The following PDCL2 variants were observed in gnomAD, a reference collection of about 807,000 sequenced individuals.
PDCL2 encodes the protein phosducin-like protein 2.
PDCL2 carries 23 observed loss-of-function variants against 30.3 expected under a neutral mutation model. The ratio of observed to expected loss-of-function variants is 0.76; its 90% CI spans 0.55 to 1.08. The LOEUF (loss-of-function observed/expected upper bound fraction) is 1.08, where lower values mean the gene tolerates loss of function less well. Among genes scored for constraint, PDCL2 ranks in the 50% least tolerant of loss-of-function variants. The pLI, the probability that PDCL2 is intolerant of heterozygous loss-of-function variation, is 0.00. For missense variants in PDCL2, 243 were observed against 282.3 expected (o/e 0.86, Z 1.00); for synonymous variants, 68 against 86.2 (o/e 0.79, Z 1.17).
chr4:55,584,974 A>T (rs1732822822), intron 1 of PDCL2, among the ~76,000 whole-genome samples: 1 of 152,194 alleles, frequency 6.6e-6, no homozygotes, highest in African/African-American at 2.4e-5. Context: ...TAACAAGATG[A>T]TCATATGATT....
intron 1 of PDCL2, among the ~76,000 whole-genome samples, 168 bp downstream of exon 1, chr4:55,591,936 A>T (rs34299771): frequency 0.19 from 29,097 of 152,090 alleles, 3,086 homozygotes; most frequent in South Asian, 0.25. Flanking sequence ...CTCCTAGAGG[A>T]TTTTTCTCAA....
intron 3 of PDCL2, among the ~76,000 whole-genome samples, chr4:55,577,936 A>C (rs1288013713): frequency 6.6e-6 from 1 of 152,068 alleles, no homozygotes; most frequent in Non-Finnish European, 1.5e-5. Flanking sequence ...TGAATCCTAT[A>C]ATGTGGTAAC....
chr4:55,566,278 G>T (rs1732266407), intron 4 of PDCL2, among the ~76,000 whole-genome samples: 2 of 150,670 alleles, frequency 1.3e-5, no homozygotes, highest in Admixed American at 6.6e-5. Context: ...CACCGAGCCT[G>T]GCCAGTAAAT....
At chr4:55,566,395 T>C (rs956864227) in intron 4 of PDCL2, among the ~76,000 whole-genome samples, 4 of 151,928 alleles carry the variant, frequency 2.6e-5, no homozygotes, top group African/African-American at 9.7e-5. Flanking sequence ...AATATATGTT[T>C]TATACCAACA....
At chr4:55,570,364 T>A (rs1379715580) in intron 3 of PDCL2, among the ~76,000 whole-genome samples, 1 of 152,194 alleles carries the variant, frequency 6.6e-6, no homozygotes, top group Non-Finnish European at 1.5e-5. Flanking sequence ...TTCGAAGACT[T>A]TGTGGATATT....
chr4:55,557,226 A>G (rs1261722373), intron 5 of PDCL2, among the ~76,000 whole-genome samples: 2 of 152,250 alleles, frequency 1.3e-5, no homozygotes. Context: ...GAAAGGGAGA[A>G]ATTATGGTTA....
At chr4:55,562,663 C>A in intron 4 of PDCL2, 51 bp from the exon 5 acceptor site, 1 of 1,249,550 alleles carries the variant, frequency 8.0e-7, no homozygotes, top group South Asian at 1.7e-5. Context: ...CTACTCATCT[C>A]AGTCTAATGA....
At chr4:55,579,276 G>A (rs911776143) in intron 3 of PDCL2, among the ~76,000 whole-genome samples, 7 of 151,788 alleles carry the variant, frequency 4.6e-5, no homozygotes, top group Non-Finnish European at 1.0e-4. Context: ...CAAGCAGTTC[G>A]CTAAGGAGCA....
At chr4:55,557,447 C>T (rs1732000402) in intron 5 of PDCL2, among the ~76,000 whole-genome samples, 1 of 152,174 alleles carries the variant, frequency 6.6e-6, no homozygotes, top group Non-Finnish European at 1.5e-5. Context: ...CAGGGCTGAA[C>T]TCACTTTTAA....
chr4:55,580,693 T>A (rs1732686296), intron 3 of PDCL2, 128 bp downstream of exon 3: 2 of 586,942 alleles, frequency 3.4e-6, no homozygotes, highest in East Asian at 3.2e-5. Flanking sequence ...ATAAAGGGAG[T>A]TTCAAAATGT....
At chr4:55,578,887 T>C (rs1032914072) in intron 3 of PDCL2, among the ~76,000 whole-genome samples, 1 of 152,208 alleles carries the variant, frequency 6.6e-6, no homozygotes, top group African/African-American at 2.4e-5. Flanking sequence ...CAACCAATCA[T>C]TTTAGCATCC....
Position 55,582,143 on chromosome 4 carries a change from A to G in PDCL2, c.101T>C (p.Val34Ala). ...EESKDEIEEMVLRLQKEAMVK... is the reference protein window; with the variant it reads ...EESKDEIEEMALRLQKEAMVK... ...CATTGCTTCTTTCTGTAAACGTAAA[A>G]CCATTTCTTCAATTTCATCTTTTGA... is the stretch of plus-strand genomic sequence containing the variant. Residue 34 changes from valine (V) to alanine (A), a missense_variant, in exon 2 of 6, where the codon GTT (valine) becomes GCT (alanine). Physicochemically the swap from Val to Ala is moderately conservative, Grantham distance 64. Transcript: ENST00000295645. The G allele has an allele frequency of 1.9e-6, 3 of 1,612,942 alleles. No homozygotes were observed. Among genetic ancestry groups the G allele is most frequent in the Non-Finnish European group, 2.5e-6 (3 of 1,179,682 alleles).
chr4:55,585,090 T>C (rs1198262094), intron 1 of PDCL2, among the ~76,000 whole-genome samples: 2 of 152,234 alleles, frequency 1.3e-5, no homozygotes, highest in Non-Finnish European at 2.9e-5. Flanking sequence ...GGTACATTAT[T>C]CTTTTAATGT....
intron 3 of PDCL2, among the ~76,000 whole-genome samples, chr4:55,574,983 A>G (rs1336022735): frequency 1.3e-5 from 2 of 152,228 alleles, no homozygotes; most frequent in South Asian, 2.1e-4. Flanking sequence ...AGGATCCACC[A>G]GACTGTTTTT....
At chr4:55,571,982 G>T (rs1474414854) in intron 3 of PDCL2, among the ~76,000 whole-genome samples, 1 of 151,988 alleles carries the variant, frequency 6.6e-6, no homozygotes, top group Non-Finnish European at 1.5e-5. Flanking sequence ...ATATCATTCA[G>T]AAATTTCAAA....
At chr4:55,563,431 G>A (rs1419510972) in intron 4 of PDCL2, among the ~76,000 whole-genome samples, 1 of 152,006 alleles carries the variant, frequency 6.6e-6, no homozygotes, top group Non-Finnish European at 1.5e-5. Context: ...CTATAATCCC[G>A]GCACTTTGGG....
intron 5 of PDCL2, among the ~76,000 whole-genome samples, chr4:55,557,981 C>T (rs1281834103): frequency 2.0e-5 from 3 of 149,534 alleles, no homozygotes; most frequent in Admixed American, 6.7e-5. Flanking sequence ...ATTAGCTGGG[C>T]GTGGTGGCAG....
At chr4:55,569,931 A>G in intron 3 of PDCL2, 70 bp from the exon 4 acceptor site, 1 of 1,164,620 alleles carries the variant, frequency 8.6e-7, no homozygotes, top group East Asian at 2.6e-5. Context: ...CATATGTAAT[A>G]ACAATTTAGG....
intron 3 of PDCL2, among the ~76,000 whole-genome samples, chr4:55,576,003 G>A (rs902288952): frequency 3.9e-5 from 6 of 152,114 alleles, no homozygotes; most frequent in Non-Finnish European, 5.9e-5. Flanking sequence ...CGAGGAACAT[G>A]GTGAAGTTAA....
Sources: gnomAD v4.1 joint callset for allele counts (sites outside exome capture counted in the v4.1 genomes callset) on GRCh38, gnomAD v4.1.1 for gene constraint, MANE v1.5 for transcripts, NCBI Gene and HGNC (gene_info 2026-07-23, HGNC 2026-07-21) for gene names.